The following PARD3B variants were observed in gnomAD, a reference collection of about 807,000 sequenced individuals.
PARD3B encodes par-3 family cell polarity regulator beta, also known as partitioning defective 3 homolog B.
PARD3B carries 103 observed loss-of-function variants against 130.2 expected under a neutral mutation model. The observed-to-expected ratio is 0.79, with a 90% confidence interval of 0.67 to 0.93. PARD3B has a LOEUF of 0.93. Among genes scored for constraint, PARD3B ranks in the 40% least tolerant of loss-of-function variants. The pLI is 0.00. For missense variants in PARD3B, 1,609 were observed against 1,499.2 expected (o/e 1.07, Z -1.21); for synonymous variants, 583 against 553.2 (o/e 1.05, Z -0.76).
intron 2 of PARD3B, among the ~76,000 whole-genome samples, chr2:204,926,365 C>G (rs1255894172): frequency 2.0e-5 from 3 of 152,114 alleles, no homozygotes; most frequent in Non-Finnish European, 2.9e-5. Flanking sequence ...ATCATTTCTT[C>G]AAATTCTCAT....
chr2:204,643,177 C>T (rs888571335), intron 1 of PARD3B, among the ~76,000 whole-genome samples: 3 of 145,226 alleles, frequency 2.1e-5, no homozygotes, highest in African/African-American at 7.5e-5. Flanking sequence ...TCCTGCTCCA[C>T]CATGTAAAGA....
intron 2 of PARD3B, among the ~76,000 whole-genome samples, chr2:204,884,653 A>G (rs950976687): frequency 2.6e-5 from 4 of 151,906 alleles, no homozygotes; most frequent in African/African-American, 7.3e-5. Flanking sequence ...GTTCCCCTCT[A>G]TGCATCCATG....
chr2:204,716,232 T>G (rs1421957163), intron 2 of PARD3B, among the ~76,000 whole-genome samples: 1 of 152,072 alleles, frequency 6.6e-6, no homozygotes, highest in Non-Finnish European at 1.5e-5. Context: ...ACATCTGGTA[T>G]GGAGTTAACA....
chr2:205,336,648 G>A (rs2043323478), intron 18 of PARD3B, among the ~76,000 whole-genome samples: 1 of 152,156 alleles, frequency 6.6e-6, no homozygotes, highest in Non-Finnish European at 1.5e-5. Context: ...ATTATTTCCT[G>A]AGAAATGTTA....
chr2:205,202,754 A>C (rs2037062656), intron 15 of PARD3B, among the ~76,000 whole-genome samples: 4 of 152,216 alleles, frequency 2.6e-5, no homozygotes. Flanking sequence ...CCTAATGCCT[A>C]GGGATTTGGT....
At chr2:205,540,901 T>C (rs1312502030) in intron 21 of PARD3B, among the ~76,000 whole-genome samples, 1 of 152,186 alleles carries the variant, frequency 6.6e-6, no homozygotes, top group East Asian at 1.9e-4. Context: ...AGCTTCTAGA[T>C]AAAAGATAAT....
intron 21 of PARD3B, among the ~76,000 whole-genome samples, chr2:205,523,548 C>A (rs2051189551): frequency 6.6e-6 from 1 of 151,886 alleles, no homozygotes; most frequent in South Asian, 2.1e-4. Flanking sequence ...TATCAGTCAA[C>A]ATCAAAAATA....
chr2:205,069,093 T>C (rs1700564419), intron 4 of PARD3B, among the ~76,000 whole-genome samples: 1 of 152,076 alleles, frequency 6.6e-6, no homozygotes, highest in Admixed American at 6.6e-5. Context: ...AATAGAAATG[T>C]ACTAAAATTT....
intron 2 of PARD3B, among the ~76,000 whole-genome samples, chr2:204,820,489 C>G (rs569411069): frequency 6.6e-6 from 1 of 152,016 alleles, no homozygotes; most frequent in South Asian, 2.1e-4. Context: ...CAGGCTGACT[C>G]TCTTGTTAGG....
chr2:205,380,323 A>G (rs1416148300), intron 18 of PARD3B, among the ~76,000 whole-genome samples: 3 of 19,066 alleles, frequency 1.6e-4, no homozygotes, highest in African/African-American at 5.6e-4. Flanking sequence ...AATATATATT[A>G]TATATAATAT....
chr2:204,999,286 A>T (rs2125274499), intron 3 of PARD3B, among the ~76,000 whole-genome samples: 1 of 152,288 alleles, frequency 6.6e-6, no homozygotes, highest in Middle Eastern at 3.4e-3. Context: ...GAAAGAAAGG[A>T]GATGGAAGGA....
At chr2:205,188,654 C>T (rs950650742) in intron 14 of PARD3B, among the ~76,000 whole-genome samples, 2 of 152,080 alleles carry the variant, frequency 1.3e-5, no homozygotes, top group African/African-American at 4.8e-5. Context: ...CTGCACCATC[C>T]TGCAAGCTGC....
At chr2:205,483,875 G>T (rs1358309240) in intron 20 of PARD3B, among the ~76,000 whole-genome samples, 1 of 152,154 alleles carries the variant, frequency 6.6e-6, no homozygotes, top group Non-Finnish European at 1.5e-5. Context: ...ACTTGGAAAA[G>T]AGATTATTTG....
At chr2:204,839,298 TATC>T (rs1410938154) in intron 2 of PARD3B, among the ~76,000 whole-genome samples, 1 of 152,200 alleles carries the variant, frequency 6.6e-6, no homozygotes, top group African/African-American at 2.4e-5. Context: ...GCAAGGCACA[TATC>T]ATCGTATCAA....
At chr2:205,037,532 G>A (rs987683187) in intron 3 of PARD3B, among the ~76,000 whole-genome samples, 1 of 147,082 alleles carries the variant, frequency 6.8e-6, no homozygotes, top group African/African-American at 2.5e-5. Flanking sequence ...TATGTATATA[G>A]TGTACTATAC....
intron 20 of PARD3B, among the ~76,000 whole-genome samples, chr2:205,457,372 T>A (rs1273833266): frequency 6.6e-6 from 1 of 152,058 alleles, no homozygotes; most frequent in Non-Finnish European, 1.5e-5. Flanking sequence ...TTCCTGATAT[T>A]TATAATTTTT....
chr2:205,162,832 T>C (rs2034582648), intron 11 of PARD3B, among the ~76,000 whole-genome samples: 1 of 152,326 alleles, frequency 6.6e-6, no homozygotes, highest in Middle Eastern at 3.4e-3. Context: ...ACAAATGAAG[T>C]CTAAATGATC....
At chr2:204,683,908 A>G (rs1202526875) in intron 1 of PARD3B, among the ~76,000 whole-genome samples, 1 of 152,140 alleles carries the variant, frequency 6.6e-6, no homozygotes, top group Non-Finnish European at 1.5e-5. Flanking sequence ...TTTGAATCAA[A>G]TTAGAGAACA....
intron 16 of PARD3B, among the ~76,000 whole-genome samples, chr2:205,256,056 T>G (rs1161708927): frequency 6.6e-6 from 1 of 152,098 alleles, no homozygotes; most frequent in Middle Eastern, 3.2e-3. Context: ...GTCATCTTAT[T>G]AACGTTCAAA....
Sources: allele counts gnomAD v4.1 joint callset (sites outside exome capture counted in the v4.1 genomes callset), GRCh38; gene constraint gnomAD v4.1.1; transcripts MANE v1.5; gene names NCBI Gene and HGNC (gene_info 2026-07-23, HGNC 2026-07-21).